BPNT1: variants seen among roughly 807,000 people sequenced by gnomAD.
The protein encoded by BPNT1 is 3'(2'), 5'-bisphosphate nucleotidase 1.
In BPNT1, 28 loss-of-function variants were observed where a neutral mutation model predicts 36.9. The observed-to-expected ratio is 0.76, with a 90% CI of 0.56 to 1.04. The LOEUF is 1.04. BPNT1 is among the 50% of genes least tolerant of loss of function. The pLI is 0.00. For synonymous variants in BPNT1, 119 were observed against 130.9 expected (o/e 0.91, Z 0.62); for missense variants, 313 against 372.9 (o/e 0.84, Z 1.32).
In BPNT1 at chr1:220,079,741, C is replaced by A; in HGVS notation, c.106G>T (p.Gly36Cys). The A allele has an allele frequency of 6.2e-7, 1 of 1,614,044 alleles. No individual in the cohort carries two copies. The highest frequency in any genetic ancestry group is 8.5e-7 in the Non-Finnish European group (1 of 1,180,010). ...AGTTTGAGTACCTTCTCCACAATACCCAGGTCTCCTTCAGCAATAACACGT... is the reference window on the plus strand; with the variant it reads ...AGTTTGAGTACCTTCTCCACAATACACAGGTCTCCTTCAGCAATAACACGT... The part of the protein sequence containing the change: ...VRRVIAEGDL[G>C]IVEKTCATDL... The change falls in exon 2 of 9, where the codon GGT becomes TGT. Residue 36 changes from glycine (G) to cysteine (C), a missense_variant. By Grantham distance (159) the Gly-to-Cys change is radical. Transcript: ENST00000322067.
intron 2 of BPNT1, among the ~76,000 whole-genome samples, chr1:220,074,448 A>C (rs1194963683): frequency 6.6e-6 from 1 of 152,020 alleles, no homozygotes; most frequent in African/African-American, 2.4e-5. Flanking sequence ...CCTAATCATA[A>C]TAATTCAACA....
At chr1:220,065,087 C>T (rs566790914) in intron 6 of BPNT1, among the ~76,000 whole-genome samples, 1 of 152,144 alleles carries the variant, frequency 6.6e-6, no homozygotes, top group African/African-American at 2.4e-5. Flanking sequence ...GGATTACAGG[C>T]GTGAGCCACC....
chr1:220,082,976 C>T (rs1471078630), intron 1 of BPNT1, among the ~76,000 whole-genome samples: 3 of 152,082 alleles, frequency 2.0e-5, no homozygotes, highest in Non-Finnish European at 4.4e-5. Flanking sequence ...CAGTGGCTCA[C>T]GCCTGTAATC....
intron 1 of BPNT1, among the ~76,000 whole-genome samples, chr1:220,088,478 CAAAAAA>C (rs58383315): frequency 6.1e-5 from 4 of 65,544 alleles, no homozygotes; most frequent in Admixed American, 1.7e-4. Flanking sequence ...GACTCCGACT[CAAAAAA>C]AAAAAAAAAA....
chr1:220,082,744 G>A (rs1056172129), intron 1 of BPNT1, among the ~76,000 whole-genome samples: 2 of 148,060 alleles, frequency 1.4e-5, no homozygotes, highest in African/African-American at 2.5e-5. Flanking sequence ...CTGACACCAC[G>A]CCCAGCTAAT....
At chr1:220,071,230 A>G (rs1664035617) in intron 4 of BPNT1, among the ~76,000 whole-genome samples, 1 of 152,102 alleles carries the variant, frequency 6.6e-6, no homozygotes, top group Non-Finnish European at 1.5e-5. Flanking sequence ...TAAGTCTCCA[A>G]TGAATATGCC....
chr1:220,076,990 A>G (rs926260272), intron 2 of BPNT1, among the ~76,000 whole-genome samples: 5 of 152,244 alleles, frequency 3.3e-5, no homozygotes, highest in Admixed American at 2.0e-4. Context: ...CTTATTGACA[A>G]ATTTGATAAG....
Position 220,058,161 on chromosome 1 carries a change from G to T in BPNT1, c.*683C>A. On this transcript the variant is annotated 3_prime_UTR_variant, in exon 9 of 9. Coordinates refer to ENST00000322067, the MANE Select transcript of BPNT1 (RefSeq NM_006085.6). ...ACTACATTCTAGCCTAGGCTACAGAGCGAGACTCCGTCTCAGGAAAAAAAA... is the reference window on the plus strand; with the variant it reads ...ACTACATTCTAGCCTAGGCTACAGATCGAGACTCCGTCTCAGGAAAAAAAA... 1 of 971,664 alleles carries T rather than the reference G, an allele frequency of 1.0e-6. No individual in the cohort carries two copies. Among genetic ancestry groups the T allele is most frequent in the Non-Finnish European group, 1.2e-6 (1 of 810,692 alleles). 60.2% of individuals were successfully genotyped at this position (971,664 alleles called of 1,614,324 possible). A position where few individuals can be genotyped will look rare whatever the true frequency, so the allele number is the denominator to read the frequency against.
chr1:220,072,711 T>C (rs1664178222), intron 4 of BPNT1, 139 bp downstream of exon 4: 5 of 648,178 alleles, frequency 7.7e-6, no homozygotes, highest in Non-Finnish European at 1.4e-5. Context: ...TACTTCCATG[T>C]TGGCTCTGAA....
intron 7 of BPNT1, 151 bp downstream of exon 7, chr1:220,062,606 G>A (rs914737921): frequency 1.1e-5 from 8 of 755,278 alleles, no homozygotes; most frequent in East Asian, 2.8e-5. Flanking sequence ...ATAAACATAC[G>A]TGTGCATGTG....
At chr1:220,080,044 A>G (rs1664960408) in intron 1 of BPNT1, among the ~76,000 whole-genome samples, 190 bp from the exon 2 acceptor site, 1 of 152,258 alleles carries the variant, frequency 6.6e-6, no homozygotes, top group African/African-American at 2.4e-5. Flanking sequence ...TAACTCTCTC[A>G]ATAAATTCTG....
chr1:220,066,040 T>G (rs1439478707), intron 6 of BPNT1: 1 of 1,496,824 alleles, frequency 6.7e-7, no homozygotes, highest in Non-Finnish European at 8.9e-7. Flanking sequence ...TTCTACCTAC[T>G]AGTGGAGCCA....
chr1:220,081,819 C>G (rs527676482), intron 1 of BPNT1, among the ~76,000 whole-genome samples: 4 of 152,098 alleles, frequency 2.6e-5, no homozygotes, highest in Admixed American at 1.3e-4. Context: ...CCAGAATACC[C>G]TATGGGGTCA....
intron 6 of BPNT1, among the ~76,000 whole-genome samples, chr1:220,065,598 C>T (rs1380853972): frequency 6.6e-6 from 1 of 152,138 alleles, no homozygotes; most frequent in Admixed American, 6.6e-5. Flanking sequence ...GAGTTTGAAT[C>T]TCAGTTCTGC....
chr1:220,085,458 C>T (rs566554867), intron 1 of BPNT1, among the ~76,000 whole-genome samples: 1 of 152,248 alleles, frequency 6.6e-6, no homozygotes, highest in Admixed American at 6.5e-5. Context: ...CTCTGTGCCC[C>T]AATCTGTAAA....
At chr1:220,072,357 G>A (rs1236044582) in intron 4 of BPNT1, among the ~76,000 whole-genome samples, 4 of 150,960 alleles carry the variant, frequency 2.6e-5, no homozygotes, top group African/African-American at 7.3e-5. Context: ...GCGAGACTCC[G>A]TCTCAGAAAA....
intron 2 of BPNT1, among the ~76,000 whole-genome samples, chr1:220,078,948 T>C (rs537818189): frequency 6.3e-4 from 96 of 152,326 alleles, no homozygotes; most frequent in African/African-American, 2.2e-3. Flanking sequence ...CTTTTAAGAA[T>C]TGACTATCAC....
At chr1:220,060,023 C>A (rs1296430960) in intron 7 of BPNT1, among the ~76,000 whole-genome samples, 2 of 152,038 alleles carry the variant, frequency 1.3e-5, no homozygotes, top group African/African-American at 4.8e-5. Context: ...AAATAATGGT[C>A]AAAAAAGCTA....
At chr1:220,085,616 A>C (rs369785672) in intron 1 of BPNT1, among the ~76,000 whole-genome samples, 10 of 152,370 alleles carry the variant, frequency 6.6e-5, no homozygotes, top group African/African-American at 2.4e-4. Context: ...GTTATTTTGC[A>C]GGGACATTAG....
Sources: allele counts gnomAD v4.1 joint callset (sites outside exome capture counted in the v4.1 genomes callset), GRCh38; gene constraint gnomAD v4.1.1; transcripts MANE v1.5; gene names NCBI Gene and HGNC (gene_info 2026-07-23, HGNC 2026-07-21).